The following PRDM16 variants were observed in gnomAD, a reference collection of about 807,000 sequenced individuals.
PRDM16 encodes PR/SET domain 16.
A neutral mutation model predicts 110.6 loss-of-function variants in PRDM16; 23 were observed. That is an observed-to-expected ratio of 0.21 (90% CI 0.15 to 0.29). The LOEUF is 0.29. PRDM16 is among the 10% of genes least tolerant of loss of function. PRDM16 has a pLI of 1.00. For synonymous variants in PRDM16, 799 were observed against 781.8 expected (o/e 1.02, Z -0.37); for missense variants, 1,615 against 1,794.3 (o/e 0.90, Z 1.81).
At chr1:3,078,293 C>G (rs989896079) in intron 1 of PRDM16, among the ~76,000 whole-genome samples, 4 of 152,320 alleles carry the variant, frequency 2.6e-5, no homozygotes, top group African/African-American at 9.6e-5. Flanking sequence ...GAGACAGGGT[C>G]CCCGAGCTCT....
In PRDM16 at chr1:3,350,115, C is replaced by A. The variant is rs1025730748; in HGVS notation, c.439-35037C>A. Among the ~76,000 whole-genome samples the A allele has an allele frequency of 6.6e-6, 1 of 152,144 alleles. No individual in the cohort carries two copies. Among genetic ancestry groups the A allele is most frequent in the Non-Finnish European group, 1.5e-5 (1 of 68,030 alleles). Reference sequence around the variant, plus strand: ...TGGGAGGCCAAGGCGGGAGGAAGCCCAGAAGTTTGAGGCCAGCCTGGACAA... The same window carrying A: ...TGGGAGGCCAAGGCGGGAGGAAGCCAAGAAGTTTGAGGCCAGCCTGGACAA... On this transcript the variant is annotated intron_variant, in intron 3 of 16. Coordinates refer to ENST00000270722, the MANE Select transcript of PRDM16 (RefSeq NM_022114.4). This position sits in a 1 kb window ranked among gnomAD's most constrained non-coding sequence, Gnocchi z 7.1.
chr1:3,368,522 G>A (rs1488047900), intron 3 of PRDM16, among the ~76,000 whole-genome samples: 1 of 152,168 alleles, frequency 6.6e-6, no homozygotes, highest in African/African-American at 2.4e-5. Flanking sequence ...CAAAGACAGT[G>A]TCTCCCCCAA....
chr1:3,194,152 G>A (rs1276162330), intron 2 of PRDM16, among the ~76,000 whole-genome samples: 2 of 152,202 alleles, frequency 1.3e-5, no homozygotes, highest in East Asian at 3.9e-4. Flanking sequence ...GAGGAACAAG[G>A]GCTCCCAAAG....
intron 6 of PRDM16, among the ~76,000 whole-genome samples, chr1:3,403,713 C>G (rs140762255): frequency 6.6e-6 from 1 of 152,212 alleles, no homozygotes; most frequent in Non-Finnish European, 1.5e-5. Context: ...GGGAGTGAAA[C>G]CAGGACATTC....
At chr1:3,070,893 C>G (rs1391198788) in intron 1 of PRDM16, among the ~76,000 whole-genome samples, 1 of 152,248 alleles carries the variant, frequency 6.6e-6, no homozygotes, top group Non-Finnish European at 1.5e-5. Flanking sequence ...CGCCGCGCTC[C>G]GCTGCCGGGT....
intron 2 of PRDM16, among the ~76,000 whole-genome samples, chr1:3,214,390 G>A (rs1054737553): frequency 4.6e-5 from 7 of 152,158 alleles, no homozygotes; most frequent in East Asian, 1.9e-4. Context: ...CGTCAGACTC[G>A]CAGGCCTCAG....
chr1:3,365,029 C>T (rs1642785204), intron 3 of PRDM16, among the ~76,000 whole-genome samples: 1 of 152,220 alleles, frequency 6.6e-6, no homozygotes, highest in Non-Finnish European at 1.5e-5. Context: ...AGGGAAGGCA[C>T]CAGGGTCCCC....
rs543689966 is a variant in PRDM16, at chr1:3,201,991, G to A, written c.387+15517G>A. 3.3e-5 allele frequency among the ~76,000 whole-genome samples: 5 copies of A among 152,302 alleles called. No homozygotes were observed. Among genetic ancestry groups the A allele is most frequent in the South Asian group, 2.1e-4 (1 of 4,828 alleles). ...CCGTACATAATAGTGGGTCCCACACGTCCATGAGGCAGGGGACGCCCTCAC... is the reference window on the plus strand; with the variant it reads ...CCGTACATAATAGTGGGTCCCACACATCCATGAGGCAGGGGACGCCCTCAC... On this transcript the variant is annotated intron_variant, in intron 2 of 16. Coordinates refer to ENST00000270722, the MANE Select transcript of PRDM16 (RefSeq NM_022114.4). This position sits in a 1 kb window ranked among gnomAD's most constrained non-coding sequence, Gnocchi z 4.1.
chr1:3,115,148 G>A (rs1421496993), intron 1 of PRDM16, among the ~76,000 whole-genome samples: 2 of 152,242 alleles, frequency 1.3e-5, no homozygotes, highest in Non-Finnish European at 2.9e-5. Flanking sequence ...TCCTCGGTGA[G>A]TGGTTGGGGG....
chr1:3,335,441 G>A (rs1570095045), intron 3 of PRDM16, among the ~76,000 whole-genome samples: 1 of 152,312 alleles, frequency 6.6e-6, no homozygotes, highest in South Asian at 2.1e-4. Context: ...CCTTAGCCCG[G>A]TCGCGTTAGC....
rs1330953541 is a variant in PRDM16, at chr1:3,081,083, T to C, written c.37+11787T>C. Among the ~76,000 whole-genome samples, 3 of 152,192 alleles carry C rather than the reference T, an allele frequency of 2.0e-5. No homozygotes were observed. The highest frequency in any genetic ancestry group is 4.4e-5 in the Non-Finnish European group (3 of 68,036). ...AGCCACGAGGGGCTCTCTGGTTTCA[T>C]GGCTGGGAATCTGAACCGCAGGGCA... On this transcript the variant is annotated intron_variant, in intron 1 of 16. Coordinates refer to ENST00000270722, the MANE Select transcript of PRDM16 (RefSeq NM_022114.4). The surrounding 1 kb of genome is among the most constrained non-coding windows in gnomAD (Gnocchi z 4.6).
chr1:3,251,912 A>G (rs1356202357), intron 3 of PRDM16, among the ~76,000 whole-genome samples: 2 of 152,176 alleles, frequency 1.3e-5, no homozygotes, highest in Non-Finnish European at 2.9e-5. Flanking sequence ...CACACACCTC[A>G]GCAAAGTCTG....
intron 3 of PRDM16, among the ~76,000 whole-genome samples, chr1:3,279,181 ACCATGCCTGGAAAGACCGGCGG>A (rs1467007909): frequency 1.3e-5 from 2 of 152,134 alleles, no homozygotes; most frequent in East Asian, 3.9e-4. Flanking sequence ...AGCGTCGCTC[ACCATGCCTGGAAAGACCGGCGG>A]CCTCTCCTGC....
chr1:3,137,053 G>A (rs1335283435), intron 1 of PRDM16, among the ~76,000 whole-genome samples: 1 of 152,192 alleles, frequency 6.6e-6, no homozygotes, highest in Non-Finnish European at 1.5e-5. Flanking sequence ...GACCTCGGAA[G>A]GAGTCATCCC....
chr1:3,329,697 AGT>A (rs1468913133), intron 3 of PRDM16, among the ~76,000 whole-genome samples: 1 of 152,132 alleles, frequency 6.6e-6, no homozygotes, highest in East Asian at 1.9e-4. Flanking sequence ...CAATGAGTTG[AGT>A]GTGATTCTGG....
intron 1 of PRDM16, among the ~76,000 whole-genome samples, chr1:3,151,797 G>A (rs984261821): frequency 2.0e-5 from 3 of 152,192 alleles, no homozygotes; most frequent in South Asian, 2.1e-4. Flanking sequence ...ACTGTGGGCC[G>A]GCAGGGTCAG....
At chr1:3,202,230 A>T (rs1638646132) in intron 2 of PRDM16, among the ~76,000 whole-genome samples, 1 of 152,182 alleles carries the variant, frequency 6.6e-6, no homozygotes. Flanking sequence ...GGGAAACAGC[A>T]CACGGTGCTG....
chr1:3,202,540 T>C (rs1638655424), intron 2 of PRDM16, among the ~76,000 whole-genome samples: 1 of 152,210 alleles, frequency 6.6e-6, no homozygotes, highest in Non-Finnish European at 1.5e-5. Context: ...TTTGCATTTT[T>C]GCTCTCTGGC....
rs890817198 is a variant in PRDM16, at chr1:3,382,007, C to T, written c.439-3145C>T. Reference sequence around the variant, plus strand: ...CCTCGTGGGTCTTGGCCAGCCCAGCCTCGCTCCCTTCCTGTGGCAGAGGAA... The same window carrying T: ...CCTCGTGGGTCTTGGCCAGCCCAGCTTCGCTCCCTTCCTGTGGCAGAGGAA... On this transcript the variant is annotated intron_variant, in intron 3 of 16. Transcript: ENST00000270722. This position sits in a 1 kb window ranked among gnomAD's most constrained non-coding sequence, Gnocchi z 6.6. Among the ~76,000 whole-genome samples the T allele has an allele frequency of 2.6e-5, 4 of 152,342 alleles. No homozygotes were observed. The South Asian group carries it at 8.3e-4, about 32-fold the overall frequency.
Sources: gnomAD v4.1 joint callset for allele counts (sites outside exome capture counted in the v4.1 genomes callset) on GRCh38, gnomAD v4.1.1 for gene constraint, Gnocchi (gnomAD v3.1) non-coding constraint, MANE v1.5 for transcripts, NCBI Gene and HGNC (gene_info 2026-07-23, HGNC 2026-07-21) for gene names.